The following SH3BGR variants were observed in gnomAD, a reference collection of about 807,000 sequenced individuals.
SH3BGR encodes the protein SH3 domain-binding glutamic acid-rich protein.
A neutral mutation model predicts 24.5 loss-of-function variants in SH3BGR; 29 were observed. The ratio of observed to expected loss-of-function variants is 1.18; its 90% CI spans 0.88 to 1.61. The LOEUF (loss-of-function observed/expected upper bound fraction) is 1.61. SH3BGR is among the 40% of genes most tolerant of loss of function. SH3BGR has a pLI of 0.00. For missense variants in SH3BGR, 162 were observed against 205.8 expected, an observed-to-expected ratio of 0.79 and a Z score of 1.30; for synonymous variants, 55 against 65.7, an observed-to-expected ratio of 0.84 and a Z score of 0.79.
chr21:39,478,205 A>G (rs1198373584), intron 3 of SH3BGR, among the ~76,000 whole-genome samples: 3 of 152,226 alleles, frequency 2.0e-5, no homozygotes, highest in Admixed American at 2.0e-4. Context: ...TCCTACAAAG[A>G]TTACTTTTTA....
At chr21:39,470,508 C>G (rs1320551906) in intron 2 of SH3BGR, among the ~76,000 whole-genome samples, 1 of 152,084 alleles carries the variant, frequency 6.6e-6, no homozygotes, top group Non-Finnish European at 1.5e-5. Context: ...ATGATCCGCC[C>G]ACCTTGGCCT....
chr21:39,492,565 G>A (rs983867539), intron 3 of SH3BGR, among the ~76,000 whole-genome samples: 3 of 151,546 alleles, frequency 2.0e-5, no homozygotes, highest in East Asian at 1.9e-4. Flanking sequence ...TGGCAATTGC[G>A]CATTGTGCTG....
intron 6 of SH3BGR, among the ~76,000 whole-genome samples, chr21:39,514,624 A>C (rs185954994): frequency 6.6e-6 from 1 of 152,258 alleles, no homozygotes; most frequent in African/African-American, 2.4e-5. Context: ...GGCCTCCCAA[A>C]GTGTTGGAAT....
chr21:39,451,524 A>G (rs748214744), upstream of SH3BGR, among the ~76,000 whole-genome samples: 1 of 152,164 alleles, frequency 6.6e-6, no homozygotes, highest in Non-Finnish European at 1.5e-5. Context: ...TTAACCTGCC[A>G]GGAAAAAAAA....
chr21:39,462,790 A>G (rs1484781637), intron 2 of SH3BGR, among the ~76,000 whole-genome samples: 1 of 152,236 alleles, frequency 6.6e-6, no homozygotes, highest in African/African-American at 2.4e-5. Flanking sequence ...GGATTATTTC[A>G]GGTTCTTTGT....
intron 3 of SH3BGR, among the ~76,000 whole-genome samples, chr21:39,478,580 A>G (rs2078065895): frequency 1.3e-5 from 2 of 152,236 alleles, no homozygotes. Flanking sequence ...CTGAAAAACA[A>G]AATGTTAGAG....
intron 3 of SH3BGR, among the ~76,000 whole-genome samples, chr21:39,498,642 C>T (rs1162242038): frequency 2.6e-5 from 4 of 152,160 alleles, no homozygotes; most frequent in African/African-American, 9.7e-5. Flanking sequence ...TCGTCCCTTC[C>T]CAATGGTGAT....
intron 3 of SH3BGR, chr21:39,488,323 C>T (rs892816409): frequency 4.8e-6 from 1 of 209,466 alleles, no homozygotes; most frequent in East Asian, 1.1e-4. Flanking sequence ...CTGAGCAGTC[C>T]GACATGTAAC....
intron 3 of SH3BGR, among the ~76,000 whole-genome samples, chr21:39,484,817 G>A (rs2078183952): frequency 6.6e-6 from 1 of 152,236 alleles, no homozygotes; most frequent in Non-Finnish European, 1.5e-5. Flanking sequence ...ACTGTGCGCA[G>A]GGACAGAGTA....
At chr21:39,457,368 T>C (rs1212326878) in intron 1 of SH3BGR, among the ~76,000 whole-genome samples, 2 of 143,646 alleles carry the variant, frequency 1.4e-5, no homozygotes, top group African/African-American at 5.0e-5. Flanking sequence ...AAATCTTATA[T>C]ATAAGATTAT....
At chr21:39,500,606 G>C (rs2078478332) in intron 4 of SH3BGR, among the ~76,000 whole-genome samples, 2 of 152,152 alleles carry the variant, frequency 1.3e-5, no homozygotes. Flanking sequence ...AAGGAGCCTG[G>C]TGGGGCTGGG....
rs200304723 is a variant in SH3BGR at position 39,511,309 on chromosome 21, TGTG to T, written c.436-367_436-365del. On this transcript the variant is annotated intron_variant, in intron 5 of 6. Transcript: ENST00000333634. The surrounding 1 kb of genome is among the most constrained non-coding windows in gnomAD (Gnocchi z 4.2). ...GTGTGTGTATTTGTGGTATATGTGA[TGTG>T]GTGTGTGGGGTGTGTGGTCTGGTGT... 7.0e-3 allele frequency among the ~76,000 whole-genome samples: 1,062 copies of T among 151,154 alleles called. 9 individuals carry two copies. Among genetic ancestry groups the T allele is most frequent in the African/African-American group, 0.021 (864 of 41,192 alleles).
chr21:39,479,253 G>GTGGTGA (rs1210387856), intron 3 of SH3BGR, among the ~76,000 whole-genome samples: 87 of 150,636 alleles, frequency 5.8e-4, no homozygotes, highest in African/African-American at 2.1e-3. Flanking sequence ...GGTGGTGGTG[G>GTGGTGA]TGGTGATGGT....
intron 3 of SH3BGR, among the ~76,000 whole-genome samples, chr21:39,490,864 C>T (rs1405293099): frequency 6.6e-6 from 1 of 151,898 alleles, no homozygotes; most frequent in East Asian, 1.9e-4. Flanking sequence ...ACCTGAGTAG[C>T]TGGGACTACA....
At chr21:39,459,184 C>T (rs1056977668) in intron 1 of SH3BGR, among the ~76,000 whole-genome samples, 7 of 151,824 alleles carry the variant, frequency 4.6e-5, no homozygotes, top group African/African-American at 1.7e-4. Context: ...CCTTCCCTCC[C>T]TCTCTCCCTA....
At chr21:39,474,974 T>G (rs1299818771) in intron 2 of SH3BGR, among the ~76,000 whole-genome samples, 161 bp from the exon 3 acceptor site, 1 of 152,188 alleles carries the variant, frequency 6.6e-6, no homozygotes, top group Admixed American at 6.5e-5. Flanking sequence ...TGGTTAGATT[T>G]CTTAACTCTG....
rs140219475 is a variant in SH3BGR at position 39,472,620 on chromosome 21, AC to A, written c.232-2514del. ...GATCACACATGGCATGGGAATTTGA[AC>A]TGCAACCTCTCATGAATTCTACTTG... On this transcript the variant is annotated intron_variant, in intron 2 of 6. Transcript: ENST00000333634. Among the ~76,000 whole-genome samples, 308 of 152,330 alleles carry A rather than the reference AC, an allele frequency of 2.0e-3. 3 individuals are homozygous for A. The highest frequency in any genetic ancestry group is 6.7e-3 in the African/African-American group (280 of 41,568).
intron 4 of SH3BGR, among the ~76,000 whole-genome samples, chr21:39,506,366 G>A (rs749123269): frequency 2.0e-5 from 3 of 152,180 alleles, no homozygotes; most frequent in Non-Finnish European, 4.4e-5. Context: ...GAAGTAGAGT[G>A]GTGAGGGATG....
At chr21:39,472,954 C>T (rs556228658) in intron 2 of SH3BGR, among the ~76,000 whole-genome samples, 32 of 152,242 alleles carry the variant, frequency 2.1e-4, no homozygotes, top group African/African-American at 6.0e-4. Context: ...TCAGGATTCA[C>T]GCTCTCACTG....
Sources: gnomAD v4.1 joint callset for allele counts (sites outside exome capture counted in the v4.1 genomes callset) on GRCh38, gnomAD v4.1.1 for gene constraint, Gnocchi (gnomAD v3.1) non-coding constraint, MANE v1.5 for transcripts, NCBI Gene and HGNC (gene_info 2026-07-23, HGNC 2026-07-21) for gene names.